Variants in MAD1L1 observed in about 807,000 individuals in gnomAD.
MAD1L1 encodes the protein mitotic spindle assembly checkpoint protein MAD1.
A neutral mutation model predicts 96.9 loss-of-function variants in MAD1L1; 95 were observed. The observed-to-expected ratio is 0.98, with a 90% CI of 0.83 to 1.16. MAD1L1 has a LOEUF of 1.16. MAD1L1 is among the 50% of genes most tolerant of loss of function. The probability of loss-of-function intolerance (pLI) is 0.00; values close to 1 mark genes in which losing one functional copy is unlikely to be tolerated. For missense variants in MAD1L1, 1,007 were observed against 954.4 expected, an observed-to-expected ratio of 1.06 and a Z score of -0.73; for synonymous variants, 473 against 396.6, an observed-to-expected ratio of 1.19 and a Z score of -2.29.
intron 12 of MAD1L1, among the ~76,000 whole-genome samples, chr7:2,047,737 GCA>G (rs1387529376): frequency 2.6e-5 from 4 of 152,052 alleles, no homozygotes; most frequent in Admixed American, 6.5e-5. Flanking sequence ...AGCTCACACA[GCA>G]CAGACATGCA....
At chr7:1,924,899 C>A (rs746388035) in intron 17 of MAD1L1, among the ~76,000 whole-genome samples, 1 of 151,440 alleles carries the variant, frequency 6.6e-6, no homozygotes, top group Non-Finnish European at 1.5e-5. Flanking sequence ...ATAAGTGCAC[C>A]GTGAAATGTT....
intron 18 of MAD1L1, among the ~76,000 whole-genome samples, chr7:1,820,293 G>A (rs1210269825): frequency 6.6e-6 from 1 of 152,150 alleles, no homozygotes; most frequent in Non-Finnish European, 1.5e-5. Context: ...TGCTTAGAGG[G>A]AAACGGACAG....
In MAD1L1 at chr7:1,904,626, T is replaced by G. The variant is rs373681095; in HGVS notation, c.1808-6236A>C. Among the ~76,000 whole-genome samples, 5 of 98,502 alleles carry G rather than the reference T, an allele frequency of 5.1e-5. 1 individual carries two copies. The East Asian group carries it at 1.6e-3, about 31-fold the overall frequency. 64.6% of individuals were successfully genotyped at this position (98,502 alleles called of 152,430 possible). A position where few individuals can be genotyped will look rare whatever the true frequency, so the allele number is the denominator to read the frequency against. The stretch of plus-strand genomic sequence containing the variant: ...GAAGCATTGTTCCAGGCAGCGAGGA[T>G]GCAGTGGCCTATGGAAGACGCTCTT... On this transcript the variant is annotated intron_variant, in intron 17 of 18. Transcript: ENST00000265854.
intron 15 of MAD1L1, among the ~76,000 whole-genome samples, chr7:1,974,569 AACAGG>A (rs2128481134): frequency 6.6e-6 from 1 of 152,368 alleles, no homozygotes; most frequent in African/African-American, 2.4e-5. Flanking sequence ...ATAAAATAAG[AACAGG>A]TTAACAAAGC....
chr7:1,954,807 T>C (rs909512319), intron 16 of MAD1L1, among the ~76,000 whole-genome samples: 1 of 152,184 alleles, frequency 6.6e-6, no homozygotes, highest in African/African-American at 2.4e-5. Context: ...CCACCGTCCG[T>C]GGGTGCCCCG....
chr7:1,935,925 G>A (rs1373871622), intron 17 of MAD1L1, among the ~76,000 whole-genome samples: 1 of 152,256 alleles, frequency 6.6e-6, no homozygotes, highest in Non-Finnish European at 1.5e-5. Context: ...CTAAGGGCTG[G>A]ACAGGGAACC....
chr7:1,888,999 G>A (rs116556700), intron 18 of MAD1L1, among the ~76,000 whole-genome samples: 121 of 152,338 alleles, frequency 7.9e-4, no homozygotes, highest in African/African-American at 2.5e-3. Flanking sequence ...GCCTGATGTC[G>A]GCAGACAGTG....
chr7:2,215,099 C>T (rs1793191280), intron 9 of MAD1L1, among the ~76,000 whole-genome samples: 1 of 152,062 alleles, frequency 6.6e-6, no homozygotes, highest in African/African-American at 2.4e-5. Flanking sequence ...AAAAGCCTGG[C>T]CGGGCATGGT....
intron 11 of MAD1L1, among the ~76,000 whole-genome samples, chr7:2,073,867 G>A (rs901524401): frequency 5.3e-5 from 8 of 152,196 alleles, no homozygotes; most frequent in Non-Finnish European, 1.0e-4. Context: ...GAGGGACGGC[G>A]TGGGCAGCAG....
chr7:1,819,045 C>G (rs372798585), intron 18 of MAD1L1, among the ~76,000 whole-genome samples: 1 of 152,088 alleles, frequency 6.6e-6, no homozygotes, highest in Non-Finnish European at 1.5e-5. Context: ...GGCTCCACCT[C>G]GGTCTAACGC....
At chr7:2,022,226 G>A (rs912965675) in intron 12 of MAD1L1, among the ~76,000 whole-genome samples, 2 of 152,250 alleles carry the variant, frequency 1.3e-5, no homozygotes, top group African/African-American at 4.8e-5. Context: ...AGCAGCAGGT[G>A]GCACGGGAGG....
chr7:1,865,197 TC>T (rs1784722734), intron 18 of MAD1L1, among the ~76,000 whole-genome samples: 1 of 152,092 alleles, frequency 6.6e-6, no homozygotes, highest in African/African-American at 2.4e-5. Context: ...CCCTATGGGA[TC>T]TGGCCCACAG....
intron 18 of MAD1L1, among the ~76,000 whole-genome samples, chr7:1,820,466 T>C (rs1241114281): frequency 6.8e-6 from 1 of 146,836 alleles, no homozygotes; most frequent in Non-Finnish European, 1.5e-5. Context: ...ACTGCTTCTT[T>C]AAAAAATAGC....
At chr7:2,003,271 T>C (rs183877582) in intron 13 of MAD1L1, among the ~76,000 whole-genome samples, 1 of 152,272 alleles carries the variant, frequency 6.6e-6, no homozygotes, top group African/African-American at 2.4e-5. Flanking sequence ...TATGTGCGTG[T>C]ACACAAGTGT....
chr7:1,818,355 G>A (rs1781937379), intron 18 of MAD1L1, among the ~76,000 whole-genome samples: 1 of 152,090 alleles, frequency 6.6e-6, no homozygotes, highest in Non-Finnish European at 1.5e-5. Flanking sequence ...TCAGAGGCTG[G>A]CAGGCTTTGG....
At chr7:1,905,801 G>T (rs1787590534) in intron 17 of MAD1L1, among the ~76,000 whole-genome samples, 1 of 152,120 alleles carries the variant, frequency 6.6e-6, no homozygotes, top group Non-Finnish European at 1.5e-5. Flanking sequence ...TGTAATCCCA[G>T]CACTCTGGGA....
At chr7:1,885,484 GGT>G (rs35995284) in intron 18 of MAD1L1, among the ~76,000 whole-genome samples, 78,885 of 151,892 alleles carry the variant, frequency 0.52, 22,039 homozygotes, top group African/African-American at 0.71. Context: ...CTGGGCTGCG[GGT>G]GTGTGTGGGC....
intron 14 of MAD1L1, among the ~76,000 whole-genome samples, chr7:1,987,695 C>T (rs1781219586): frequency 6.6e-6 from 1 of 152,184 alleles, no homozygotes; most frequent in African/African-American, 2.4e-5. Flanking sequence ...GCCCGGCAGC[C>T]CCGGCTCCAC....
intron 17 of MAD1L1, among the ~76,000 whole-genome samples, chr7:1,923,524 C>T (rs1788921431): frequency 6.6e-6 from 1 of 152,278 alleles, no homozygotes; most frequent in South Asian, 2.1e-4. Flanking sequence ...GGCACCCGGG[C>T]AATCCTGCGG....
Sources: gnomAD v4.1 joint callset for allele counts (sites outside exome capture counted in the v4.1 genomes callset) on GRCh38, gnomAD v4.1.1 for gene constraint, MANE v1.5 for transcripts, NCBI Gene and HGNC (gene_info 2026-07-23, HGNC 2026-07-21) for gene names.